Variants in TBC1D4 observed in about 807,000 individuals in gnomAD.
TBC1D4 encodes the protein TBC1 domain family member 4.
TBC1D4 carries 121 observed loss-of-function variants against 142.5 expected under a neutral mutation model. The ratio of observed to expected loss-of-function variants is 0.85; its 90% CI spans 0.73 to 0.99. TBC1D4 has a LOEUF of 0.99. Ranked by LOEUF, TBC1D4 falls within the 50% of genes least tolerant of loss-of-function variation. The pLI, the probability that TBC1D4 is intolerant of heterozygous loss-of-function variation, is 0.00. For missense variants in TBC1D4, 1,475 were observed against 1,606.6 expected, an observed-to-expected ratio of 0.92 and a Z score of 1.40; for synonymous variants, 630 against 628.2, an observed-to-expected ratio of 1.00 and a Z score of -0.04.
At chr13:75,365,960 C>T (rs1882883667) in intron 1 of TBC1D4, among the ~76,000 whole-genome samples, 1 of 152,144 alleles carries the variant, frequency 6.6e-6, no homozygotes, top group East Asian at 1.9e-4. Flanking sequence ...CTGTCACACC[C>T]AAAAATAGAA....
chr13:75,343,882 C>A (rs1049134409), intron 5 of TBC1D4, among the ~76,000 whole-genome samples: 4 of 151,982 alleles, frequency 2.6e-5, no homozygotes, highest in African/African-American at 7.3e-5. Context: ...CTCTCGTCAC[C>A]TAGGCTGGAA....
At chr13:75,310,507 G>A (rs1438157643) in intron 13 of TBC1D4, among the ~76,000 whole-genome samples, 1 of 152,138 alleles carries the variant, frequency 6.6e-6, no homozygotes, top group East Asian at 1.9e-4. Context: ...AAGTGGCTAG[G>A]TATCAGTGAT....
chr13:75,302,124 G>A, intron 16 of TBC1D4, 119 bp downstream of exon 16: 1 of 1,251,110 alleles, frequency 8.0e-7, no homozygotes, highest in Non-Finnish European at 1.1e-6. Flanking sequence ...AAAGTCAACG[G>A]CTCTGCATAT....
intron 13 of TBC1D4, among the ~76,000 whole-genome samples, chr13:75,310,595 C>T (rs1467182586): frequency 6.6e-6 from 1 of 152,200 alleles, no homozygotes; most frequent in East Asian, 1.9e-4. Flanking sequence ...CCTGGCTGAG[C>T]ACAGTACTCC....
intron 8 of TBC1D4, among the ~76,000 whole-genome samples, chr13:75,334,793 C>G (rs983356343): frequency 6.6e-6 from 1 of 151,914 alleles, no homozygotes; most frequent in East Asian, 1.9e-4. Context: ...ACCATGTCGG[C>G]CAGGCAGGAA....
At chr13:75,345,887 G>A (rs1041542269) in intron 5 of TBC1D4, among the ~76,000 whole-genome samples, 4 of 152,118 alleles carry the variant, frequency 2.6e-5, no homozygotes, top group Non-Finnish European at 5.9e-5. Flanking sequence ...CTACTTTTAT[G>A]AGAATTTAAA....
intron 1 of TBC1D4, among the ~76,000 whole-genome samples, chr13:75,401,707 T>TTTG (rs1010156691): frequency 2.0e-5 from 3 of 152,150 alleles, no homozygotes; most frequent in Non-Finnish European, 2.9e-5. Flanking sequence ...GGGGTTGATT[T>TTTG]TTGTTGTTGT....
intron 1 of TBC1D4, among the ~76,000 whole-genome samples, chr13:75,382,170 A>C (rs1446709637): frequency 6.6e-6 from 1 of 152,122 alleles, no homozygotes; most frequent in Non-Finnish European, 1.5e-5. Flanking sequence ...AATCCACCCT[A>C]AACAATTCAG....
At chr13:75,461,949 T>C (rs1357536255) in intron 1 of TBC1D4, among the ~76,000 whole-genome samples, 1 of 152,254 alleles carries the variant, frequency 6.6e-6, no homozygotes. Context: ...TTATCTGTTA[T>C]GCTGAAATCA....
chr13:75,372,786 G>A lies in TBC1D4; in HGVS notation c.499-10179C>T, dbSNP rs367617001. Among the ~76,000 whole-genome samples the A allele has an allele frequency of 1.6e-4, 25 of 152,226 alleles. No individual in the cohort carries two copies. In the South Asian group the frequency reaches 5.2e-3, roughly 32 times the overall value. ...AAAAAGTAAATTAACTAGAATTTTAGCTGATTAGACAAGTTTGGCAATAAA... is the reference window on the plus strand; with the variant it reads ...AAAAAGTAAATTAACTAGAATTTTAACTGATTAGACAAGTTTGGCAATAAA... On this transcript the variant is annotated intron_variant, in intron 1 of 20. Coordinates refer to ENST00000377636, the MANE Select transcript of TBC1D4 (RefSeq NM_014832.5).
intron 1 of TBC1D4, among the ~76,000 whole-genome samples, chr13:75,409,654 C>G (rs769361518): frequency 3.9e-5 from 6 of 152,150 alleles, no homozygotes; most frequent in Non-Finnish European, 7.4e-5. Context: ...TACACGGAAT[C>G]TTAAATATAA....
intron 16 of TBC1D4, 143 bp downstream of exon 16, chr13:75,302,100 C>A: frequency 1.0e-6 from 1 of 973,582 alleles, no homozygotes. Context: ...GCCAACTTGC[C>A]CTCAGTAAAG....
At chr13:75,383,285 T>C (rs1353833385) in intron 1 of TBC1D4, among the ~76,000 whole-genome samples, 1 of 152,156 alleles carries the variant, frequency 6.6e-6, no homozygotes, top group Non-Finnish European at 1.5e-5. Flanking sequence ...ATTGCGCCAC[T>C]ACACTCCAGT....
At chr13:75,316,649 C>G (rs867485646) in intron 12 of TBC1D4, 3 of 152,168 alleles carry the variant, frequency 2.0e-5, no homozygotes, top group Non-Finnish European at 4.4e-5. Flanking sequence ...TAGCAGTTTC[C>G]TGTTTGATTT....
At chr13:75,405,764 T>C (rs1471408967) in intron 1 of TBC1D4, among the ~76,000 whole-genome samples, 2 of 152,190 alleles carry the variant, frequency 1.3e-5, no homozygotes, top group Non-Finnish European at 2.9e-5. Context: ...AGCCAAGAAC[T>C]CATTTGTTTA....
At chr13:75,329,724 T>C (rs886416406) in intron 8 of TBC1D4, among the ~76,000 whole-genome samples, 4 of 152,366 alleles carry the variant, frequency 2.6e-5, no homozygotes, top group Non-Finnish European at 5.9e-5. Flanking sequence ...TTAAAAAATG[T>C]ACATGTCCAT....
chr13:75,342,959 C>G (rs1880832425), intron 5 of TBC1D4, among the ~76,000 whole-genome samples: 1 of 151,972 alleles, frequency 6.6e-6, no homozygotes, highest in Non-Finnish European at 1.5e-5. Context: ...GATGTTATGA[C>G]ATAATTTGAA....
chr13:75,304,318 C>A (rs1876926582), intron 15 of TBC1D4, among the ~76,000 whole-genome samples: 1 of 152,082 alleles, frequency 6.6e-6, no homozygotes, highest in Non-Finnish European at 1.5e-5. Flanking sequence ...TATTGAGCAT[C>A]CAGTATGTAA....
chr13:75,304,520 A>C (rs493460), intron 15 of TBC1D4, among the ~76,000 whole-genome samples: 1 of 151,970 alleles, frequency 6.6e-6, no homozygotes, highest in African/African-American at 2.4e-5. Context: ...TAATTATTAA[A>C]CTGTAAATTA....
Sources: gnomAD v4.1 joint callset for allele counts (sites outside exome capture counted in the v4.1 genomes callset) on GRCh38, gnomAD v4.1.1 for gene constraint, MANE v1.5 for transcripts, NCBI Gene and HGNC (gene_info 2026-07-23, HGNC 2026-07-21) for gene names.